HGD: variants seen among roughly 807,000 people sequenced by gnomAD.
HGD encodes homogentisate oxidase.
A neutral mutation model predicts 60.8 loss-of-function variants in HGD; 61 were observed. That is an observed-to-expected ratio of 1.00 (90% CI 0.82 to 1.24). The LOEUF (loss-of-function observed/expected upper bound fraction) is 1.24, where lower values mean the gene tolerates loss of function less well. Ranked by LOEUF, HGD falls within the 50% of genes most tolerant of loss-of-function variation. The pLI is 0.00. For synonymous variants in HGD, 212 were observed against 187.7 expected, an observed-to-expected ratio of 1.13 and a Z score of -1.06; for missense variants, 542 against 547.1, an observed-to-expected ratio of 0.99 and a Z score of 0.09.
rs747957946 is a variant in HGD at position 120,682,160 on chromosome 3, G to A, written c.-49C>T. ...GACTTCAGGAAACCCAGGCCCAGAG[G>A]ATATAAAGCCACAATGCTTCTTTCT... On this transcript the variant is annotated 5_prime_UTR_variant, in exon 1 of 14. Transcript: ENST00000283871. 1.9e-6 allele frequency: 3 copies of A among 1,587,230 alleles called. No homozygotes were observed. The Admixed American group carries it at 5.0e-5, about 26-fold the overall frequency.
intron 1 of HGD, 70 bp downstream of exon 1, chr3:120,682,027 T>C (rs1708238456): frequency 7.0e-7 from 1 of 1,436,128 alleles, no homozygotes. Context: ...TCTGATACCC[T>C]GAAGTTCTCA....
At chr3:120,630,874 A>ACACACG (rs1559780557) in intron 13 of HGD, among the ~76,000 whole-genome samples, 7 of 149,268 alleles carry the variant, frequency 4.7e-5, no homozygotes, top group Admixed American at 2.7e-4. Flanking sequence ...ACACACACAC[A>ACACACG]CACAGATAAT....
At chr3:120,633,018 T>G in intron 13 of HGD, 129 bp downstream of exon 13, 1 of 780,334 alleles carries the variant, frequency 1.3e-6, no homozygotes, top group East Asian at 2.7e-5. Context: ...GTAAACATAC[T>G]TATGCAGTCA....
intron 4 of HGD, among the ~76,000 whole-genome samples, chr3:120,662,411 C>T (rs1425240789): frequency 6.6e-6 from 1 of 152,148 alleles, no homozygotes; most frequent in East Asian, 1.9e-4. Context: ...CCTGAAAGCA[C>T]ACTCTACAGC....
At chr3:120,669,347 G>A (rs183239524) in intron 4 of HGD, among the ~76,000 whole-genome samples, 9 of 151,536 alleles carry the variant, frequency 5.9e-5, no homozygotes, top group East Asian at 1.9e-4. Flanking sequence ...TAAAATTTCC[G>A]CTCATCCAAT....
intron 13 of HGD, 56 bp downstream of exon 13, chr3:120,633,091 C>T (rs1940639675): frequency 6.5e-7 from 1 of 1,531,168 alleles, no homozygotes; most frequent in Non-Finnish European, 9.0e-7. Context: ...GGCCACCCCT[C>T]TCAGTAAGGG....
intron 8 of HGD, among the ~76,000 whole-genome samples, chr3:120,646,656 TAA>T (rs201866348): frequency 9.9e-5 from 14 of 141,236 alleles, no homozygotes; most frequent in Non-Finnish European, 9.3e-5. Flanking sequence ...TTAGCCACAC[TAA>T]AAAAAAAAAA....
intron 4 of HGD, among the ~76,000 whole-genome samples, chr3:120,654,681 G>A (rs953721097): frequency 2.0e-5 from 3 of 152,250 alleles, no homozygotes; most frequent in African/African-American, 7.2e-5. Context: ...CAAGGGGAAA[G>A]AAAGAAGAGA....
intron 4 of HGD, among the ~76,000 whole-genome samples, chr3:120,662,640 A>G (rs1271850215): frequency 6.6e-6 from 1 of 152,154 alleles, no homozygotes; most frequent in Non-Finnish European, 1.5e-5. Context: ...AAAATCCTCT[A>G]TTGCTCAAGG....
At chr3:120,632,614 C>T (rs1465488300) in intron 13 of HGD, among the ~76,000 whole-genome samples, 1 of 152,198 alleles carries the variant, frequency 6.6e-6, no homozygotes, top group East Asian at 1.9e-4. Context: ...TGGCTTGAAA[C>T]ACGTGCTGAA....
intron 6 of HGD, among the ~76,000 whole-genome samples, chr3:120,648,518 G>T (rs1450321654): frequency 2.6e-5 from 4 of 152,238 alleles, no homozygotes; most frequent in East Asian, 3.8e-4. Context: ...GACACAAATG[G>T]TCCAGTTCCA....
At chr3:120,649,589 G>A (rs914823334) in intron 6 of HGD, among the ~76,000 whole-genome samples, 3 of 152,098 alleles carry the variant, frequency 2.0e-5, no homozygotes, top group African/African-American at 7.2e-5. Flanking sequence ...GCATTCGTGT[G>A]ACTGTCATTT....
intron 4 of HGD, among the ~76,000 whole-genome samples, chr3:120,663,952 A>T (rs1051588327): frequency 2.0e-5 from 3 of 151,498 alleles, no homozygotes; most frequent in African/African-American, 7.3e-5. Flanking sequence ...TTTTTTTTTT[A>T]AAAGCACTAT....
At chr3:120,653,579 C>T (rs1289198860) in intron 4 of HGD, among the ~76,000 whole-genome samples, 6 of 152,226 alleles carry the variant, frequency 3.9e-5, no homozygotes. Flanking sequence ...TGGGATTATT[C>T]TGCCTCTCTG....
chr3:120,655,080 A>C (rs2107525484), intron 4 of HGD, among the ~76,000 whole-genome samples: 1 of 152,246 alleles, frequency 6.6e-6, no homozygotes, highest in South Asian at 2.1e-4. Flanking sequence ...AAAAAACAAA[A>C]AACAACAAAA....
intron 4 of HGD, among the ~76,000 whole-genome samples, chr3:120,663,874 T>G (rs1467537909): frequency 6.6e-6 from 1 of 152,092 alleles, no homozygotes; most frequent in Non-Finnish European, 1.5e-5. Flanking sequence ...AATATGATAT[T>G]TAAATAAAAA....
At position 120,643,319 on chromosome 3, in the gene HGD, T is replaced by A. The variant is rs1457100669; in HGVS notation, c.774+1000A>T. Among the ~76,000 whole-genome samples, 3 of 152,342 alleles carry A rather than the reference T, an allele frequency of 2.0e-5. No homozygotes were observed. The East Asian group carries it at 5.8e-4, about 29-fold the overall frequency. ...TTGTATTTTGGGTAGAGACGGGGTT[T>A]TGCCATGTTGGCCAGGCTGGTGTTG... On this transcript the variant is annotated intron_variant, in intron 10 of 13. Transcript: ENST00000283871.
chr3:120,670,586 T>TC, intron 3 of HGD, 54 bp from the exon 4 acceptor site: 9 of 997,810 alleles, frequency 9.0e-6, no homozygotes, highest in Non-Finnish European at 1.5e-5. Context: ...TTCTGAGTGA[T>TC]ACACAGAATG....
chr3:120,664,275 G>A (rs549453249), intron 4 of HGD, among the ~76,000 whole-genome samples: 13 of 152,210 alleles, frequency 8.5e-5, no homozygotes, highest in African/African-American at 2.4e-4. Flanking sequence ...GAGGGTTGGA[G>A]TCTGGGAAAA....
Sources: allele counts gnomAD v4.1 joint callset (sites outside exome capture counted in the v4.1 genomes callset), GRCh38; gene constraint gnomAD v4.1.1; transcripts MANE v1.5; gene names NCBI Gene and HGNC (gene_info 2026-07-23, HGNC 2026-07-21).